IL19: variants seen among roughly 807,000 people sequenced by gnomAD.
IL19 encodes interleukin 19.
A neutral mutation model predicts 19.5 loss-of-function variants in IL19; 15 were observed. That is an observed-to-expected ratio of 0.77 (90% CI 0.52 to 1.19). The LOEUF (loss-of-function observed/expected upper bound fraction) is 1.19, where lower values mean the gene tolerates loss of function less well. IL19 is among the 50% of genes most tolerant of loss of function. The probability of loss-of-function intolerance (pLI) is 0.00; values close to 1 mark genes in which losing one functional copy is unlikely to be tolerated. For missense variants in IL19, 199 were observed against 213.1 expected (o/e 0.93, Z 0.41); for synonymous variants, 78 against 78.3 (o/e 1.00, Z 0.02).
In IL19 at chr1:206,806,238, T is replaced by C. The variant is rs191928849; in HGVS notation, c.-3+7232T>C. On this transcript the variant is annotated intron_variant, in intron 2 of 6. Transcript: ENST00000659997. ...GAGGATGGGTCAGCTTTACCTAGAG[T>C]CATATGGACTGCAAATAAGGGAAAT... 4.1e-4 allele frequency among the ~76,000 whole-genome samples: 63 copies of C among 152,022 alleles called. 2 individuals carry two copies. Among genetic ancestry groups the C allele is most frequent in the Admixed American group, 3.7e-3 (57 of 15,270 alleles).
At position 206,839,001 on chromosome 1, in the gene IL19, C is replaced by T. The variant is rs2243175; in HGVS notation, c.211-849C>T. On this transcript the variant is annotated intron_variant, in intron 4 of 6. Transcript: ENST00000659997. ...CACTGGGGCCAAGGAGGCTTTGCTT[C>T]TTGAATGAAGATGGGTGTGCTGTCC... Among the ~76,000 whole-genome samples the T allele has an allele frequency of 1.8e-3, 269 of 152,318 alleles. 2 individuals are homozygous for T. Among genetic ancestry groups the T allele is most frequent in the African/African-American group, 6.2e-3 (257 of 41,576 alleles).
At chr1:206,773,597 T>A (rs1392919138) in intron 1 of IL19, among the ~76,000 whole-genome samples, 2 of 149,254 alleles carry the variant, frequency 1.3e-5, no homozygotes, top group African/African-American at 5.0e-5. Context: ...TGTGTGTGTG[T>A]GTGTGTGTGT....
intron 1 of IL19, among the ~76,000 whole-genome samples, chr1:206,777,632 C>T (rs1265356728): frequency 6.6e-6 from 1 of 152,142 alleles, no homozygotes; most frequent in Non-Finnish European, 1.5e-5. Context: ...TTGGGCAACA[C>T]GGTCAGCCGG....
chr1:206,798,995 C>T lies in IL19; in HGVS notation c.-14C>T, dbSNP rs1675604932. ...GTGTGTGTGCCAGTGCTTTGGGGCT[C>T]TGTTCCACGGGGTAAGTAATTTCTG... On this transcript the variant is annotated 5_prime_UTR_variant, in exon 2 of 7. Transcript: ENST00000659997. 6.2e-7 allele frequency: 1 copy of T among 1,611,652 alleles called. No homozygotes were observed. Among genetic ancestry groups the T allele is most frequent in the Non-Finnish European group, 8.5e-7 (1 of 1,177,786 alleles).
intron 2 of IL19, among the ~76,000 whole-genome samples, chr1:206,803,933 G>GC (rs1197527956): frequency 2.0e-5 from 3 of 152,180 alleles, no homozygotes; most frequent in Non-Finnish European, 4.4e-5. Flanking sequence ...CATTGCTCTA[G>GC]GAAATAGCAC....
At chr1:206,787,699 A>C (rs1374273590) in intron 1 of IL19, among the ~76,000 whole-genome samples, 1 of 152,220 alleles carries the variant, frequency 6.6e-6, no homozygotes, top group Non-Finnish European at 1.5e-5. Context: ...AGATTTGTCA[A>C]TAGGTTGAAA....
At position 206,770,810 on chromosome 1, in the gene IL19, G is replaced by A. The variant is rs1674805671; in HGVS notation, c.-417G>A. 4.2e-6 allele frequency: 5 copies of A among 1,178,828 alleles called. No homozygotes were observed. The South Asian group carries it at 6.1e-5, about 14-fold the overall frequency. The allele number at this position is 1,178,828 out of a possible 1,614,324, so 73.0% of individuals were successfully genotyped here. A position where few individuals can be genotyped will look rare whatever the true frequency, so the allele number is the denominator to read the frequency against. Reference sequence around the variant, plus strand: ...TTTACAGCTAGCTCTGCCAGTCTGTGTCTTTGCTGTGTCTGTGGATGTGAG... The same window carrying A: ...TTTACAGCTAGCTCTGCCAGTCTGTATCTTTGCTGTGTCTGTGGATGTGAG... On this transcript the variant is annotated 5_prime_UTR_variant, in exon 1 of 7. Transcript: ENST00000659997.
chr1:206,833,656 T>C (rs1572573434), intron 2 of IL19: 6 of 985,430 alleles, frequency 6.1e-6, no homozygotes, highest in Non-Finnish European at 7.2e-6. Context: ...AGCCCAAGAA[T>C]AAGGATTTCA....
At chr1:206,789,775 T>A (rs1384290898) in intron 1 of IL19, among the ~76,000 whole-genome samples, 3 of 152,224 alleles carry the variant, frequency 2.0e-5, no homozygotes, top group African/African-American at 7.2e-5. Context: ...CCCCTCTATG[T>A]GTCCATGTGT....
chr1:206,818,090 A>G (rs1015448055), intron 2 of IL19, among the ~76,000 whole-genome samples: 39 of 152,196 alleles, frequency 2.6e-4, no homozygotes, highest in Non-Finnish European at 8.8e-5. Context: ...TTCAATACCC[A>G]TTTCTCAATA....
intron 1 of IL19, among the ~76,000 whole-genome samples, chr1:206,780,457 T>G (rs1675103665): frequency 1.3e-5 from 2 of 152,230 alleles, no homozygotes; most frequent in Admixed American, 1.3e-4. Flanking sequence ...AGAGAATGGA[T>G]TCATCTGAAG....
intron 1 of IL19, among the ~76,000 whole-genome samples, chr1:206,773,233 C>A (rs1674906493): frequency 6.6e-6 from 1 of 152,150 alleles, no homozygotes; most frequent in Non-Finnish European, 1.5e-5. Flanking sequence ...TCAGGTAGTG[C>A]TCACCATGAC....
intron 1 of IL19, among the ~76,000 whole-genome samples, chr1:206,777,157 G>T (rs1675027766): frequency 6.6e-6 from 1 of 150,642 alleles, no homozygotes; most frequent in African/African-American, 2.4e-5. Context: ...CGTGAACCTG[G>T]GAGGCGGAGC....
At chr1:206,787,398 G>C (rs1675292658) in intron 1 of IL19, among the ~76,000 whole-genome samples, 1 of 152,164 alleles carries the variant, frequency 6.6e-6, no homozygotes, top group African/African-American at 2.4e-5. Flanking sequence ...CATATGTGTG[G>C]GTGTATTGTG....
chr1:206,805,322 T>C (rs1455177824), intron 2 of IL19, among the ~76,000 whole-genome samples: 1 of 152,228 alleles, frequency 6.6e-6, no homozygotes, highest in Admixed American at 6.5e-5. Flanking sequence ...TGGTAGAGGC[T>C]ATAAAGACAA....
intron 1 of IL19, among the ~76,000 whole-genome samples, chr1:206,789,356 G>A (rs1055482533): frequency 6.6e-6 from 1 of 152,140 alleles, no homozygotes; most frequent in Non-Finnish European, 1.5e-5. Flanking sequence ...GCCCTTCTGA[G>A]GATCCAGTGA....
At chr1:206,833,930 T>G (rs772420613) in intron 2 of IL19, 1 of 985,596 alleles carries the variant, frequency 1.0e-6, no homozygotes, top group Non-Finnish European at 1.2e-6. Flanking sequence ...AACTGGATCG[T>G]GCTGCAGCCA....
chr1:206,838,657 C>A (rs1381954484), intron 4 of IL19, among the ~76,000 whole-genome samples: 3 of 152,058 alleles, frequency 2.0e-5, no homozygotes, highest in Non-Finnish European at 4.4e-5. Flanking sequence ...TCTTCAGATT[C>A]TTTCTCCTCT....
chr1:206,804,419 G>C (rs77809452), intron 2 of IL19, among the ~76,000 whole-genome samples: 3 of 152,256 alleles, frequency 2.0e-5, no homozygotes, highest in East Asian at 3.9e-4. Flanking sequence ...CACCTCATTT[G>C]ATTCCCTATA....
Sources: gnomAD v4.1 joint callset for allele counts (sites outside exome capture counted in the v4.1 genomes callset) on GRCh38, gnomAD v4.1.1 for gene constraint, MANE v1.5 for transcripts, NCBI Gene and HGNC (gene_info 2026-07-23, HGNC 2026-07-21) for gene names.